ZNF438: variants seen among roughly 807,000 people sequenced by gnomAD.
ZNF438 encodes zinc finger protein 438.
Under a neutral mutation model 38.0 loss-of-function variants are expected in ZNF438, and 25 were observed. The ratio of observed to expected loss-of-function variants is 0.66; its 90% CI spans 0.48 to 0.92. ZNF438 has a LOEUF of 0.92. Among genes scored for constraint, ZNF438 ranks in the 40% least tolerant of loss-of-function variants. The pLI is 0.00. For missense variants in ZNF438, 1,007 were observed against 999.6 expected, an observed-to-expected ratio of 1.01 and a Z score of -0.10; for synonymous variants, 372 against 364.1, an observed-to-expected ratio of 1.02 and a Z score of -0.25.
intron 4 of ZNF438, among the ~76,000 whole-genome samples, chr10:30,863,364 G>A (rs1365056230): frequency 6.6e-6 from 1 of 152,208 alleles, no homozygotes; most frequent in East Asian, 1.9e-4. Context: ...CCTTTGAGGA[G>A]CTGACCAGGT....
At chr10:30,984,030 TC>T (rs763739448) in intron 1 of ZNF438, among the ~76,000 whole-genome samples, 25 of 152,216 alleles carry the variant, frequency 1.6e-4, no homozygotes, top group Non-Finnish European at 2.9e-4. Context: ...TTTCTTTAGT[TC>T]CTAGGTATAA....
intron 2 of ZNF438, among the ~76,000 whole-genome samples, chr10:30,940,065 G>A (rs2046656671): frequency 6.6e-6 from 1 of 152,178 alleles, no homozygotes; most frequent in Non-Finnish European, 1.5e-5. Flanking sequence ...GGAGAAGATG[G>A]CAACCAGGAG....
At chr10:30,902,043 A>T (rs2042060868) in intron 3 of ZNF438, among the ~76,000 whole-genome samples, 1 of 152,184 alleles carries the variant, frequency 6.6e-6, no homozygotes, top group Admixed American at 6.5e-5. Context: ...CAGCTCATAA[A>T]GGCAGTGTGG....
chr10:30,984,845 CAT>C (rs768584254), intron 1 of ZNF438, among the ~76,000 whole-genome samples: 3 of 152,154 alleles, frequency 2.0e-5, no homozygotes, highest in Admixed American at 6.5e-5. Context: ...TAAAAGGACA[CAT>C]GTCTAGTAAA....
intron 3 of ZNF438, among the ~76,000 whole-genome samples, chr10:30,896,158 T>C (rs2134132277): frequency 6.6e-6 from 1 of 152,062 alleles, no homozygotes; most frequent in African/African-American, 2.4e-5. Context: ...TAGCTGGGCA[T>C]AGTGACGGGC....
chr10:30,975,615 A>C (rs1589521943), intron 1 of ZNF438, among the ~76,000 whole-genome samples: 1 of 152,358 alleles, frequency 6.6e-6, no homozygotes, highest in East Asian at 1.9e-4. Context: ...TGGTATCTTA[A>C]TTTCACATCT....
intron 3 of ZNF438, among the ~76,000 whole-genome samples, chr10:30,902,560 T>C (rs2042138116): frequency 6.6e-6 from 1 of 151,862 alleles, no homozygotes; most frequent in Non-Finnish European, 1.5e-5. Flanking sequence ...GATTGGTGCA[T>C]TCACAATCCC....
intron 1 of ZNF438, among the ~76,000 whole-genome samples, chr10:31,013,092 G>A (rs1463577865): frequency 6.6e-6 from 1 of 152,176 alleles, no homozygotes; most frequent in African/African-American, 2.4e-5. Flanking sequence ...GGCCGAGGCG[G>A]GCGGATCACG....
At position 30,849,444 on chromosome 10, in the gene ZNF438, C is replaced by G. The variant is rs745573255; in HGVS notation, c.961G>C (p.Gly321Arg). 6.2e-6 allele frequency: 10 copies of G among 1,614,018 alleles called. No homozygotes were observed. Among genetic ancestry groups the G allele is most frequent in the Non-Finnish European group, 8.5e-6 (10 of 1,180,024 alleles). The change falls in exon 5 of 6, where the codon GGA (glycine) becomes CGA (arginine). Residue 321 changes from glycine to arginine, a missense_variant. Transcript: ENST00000413025. ...ATCTTATCACAGTCGGCCTTAGGTC[C>G]TGGTAAAGAAAAACCTGCAATGTTA...
chr10:30,976,853 T>C (rs1396607491), intron 1 of ZNF438, among the ~76,000 whole-genome samples: 2 of 152,062 alleles, frequency 1.3e-5, no homozygotes, highest in East Asian at 3.8e-4. Context: ...TAAAAACTTA[T>C]AGAACTACAA....
intron 1 of ZNF438, among the ~76,000 whole-genome samples, chr10:30,942,969 C>T (rs2046977479): frequency 2.0e-5 from 3 of 152,098 alleles, no homozygotes; most frequent in South Asian, 4.1e-4. Context: ...CTTTGGAATA[C>T]GTTTCAGAAA....
intron 3 of ZNF438, among the ~76,000 whole-genome samples, chr10:30,882,493 C>T (rs1037881813): frequency 1.3e-5 from 2 of 152,148 alleles, no homozygotes; most frequent in Admixed American, 6.5e-5. Context: ...TATAAACATA[C>T]AATGGAACAT....
intron 2 of ZNF438, chr10:30,919,125 T>C (rs1184039857): frequency 6.6e-6 from 1 of 152,254 alleles, no homozygotes; most frequent in Non-Finnish European, 1.5e-5. Flanking sequence ...TTTCACATTG[T>C]CCACTTTACT....
At chr10:31,023,419 C>T (rs1009178651) in intron 1 of ZNF438, among the ~76,000 whole-genome samples, 10 of 152,114 alleles carry the variant, frequency 6.6e-5, no homozygotes, top group Non-Finnish European at 1.0e-4. Context: ...TAATATATTA[C>T]CTCTTGAACT....
intron 1 of ZNF438, among the ~76,000 whole-genome samples, chr10:31,020,290 G>C (rs2056495467): frequency 6.6e-6 from 1 of 152,154 alleles, no homozygotes. Context: ...ACTGCAGCCA[G>C]GGACACACTT....
At chr10:31,018,514 A>G (rs1453413558) in intron 1 of ZNF438, among the ~76,000 whole-genome samples, 1 of 152,190 alleles carries the variant, frequency 6.6e-6, no homozygotes, top group Non-Finnish European at 1.5e-5. Context: ...AAGGGTCACC[A>G]GTTTTCCAGC....
At chr10:30,970,131 CACACACACACACATAT>C (rs1256548148) in intron 1 of ZNF438, among the ~76,000 whole-genome samples, 2 of 151,000 alleles carry the variant, frequency 1.3e-5, no homozygotes, top group Non-Finnish European at 3.0e-5. Flanking sequence ...CACACACACA[CACACACACACACATAT>C]ACACACACAC....
intron 1 of ZNF438, among the ~76,000 whole-genome samples, chr10:30,991,262 C>T (rs58578974): frequency 1.3e-5 from 2 of 152,188 alleles, no homozygotes; most frequent in Non-Finnish European, 2.9e-5. Flanking sequence ...GCCACTGGCA[C>T]TGTTCATTTT....
chr10:30,967,488 G>A (rs2050249353), intron 1 of ZNF438, among the ~76,000 whole-genome samples: 1 of 152,146 alleles, frequency 6.6e-6, no homozygotes, highest in Non-Finnish European at 1.5e-5. Context: ...TTTAAAGTGT[G>A]TTTTAAGAAG....
Sources: gnomAD v4.1 joint callset for allele counts (sites outside exome capture counted in the v4.1 genomes callset) on GRCh38, gnomAD v4.1.1 for gene constraint, MANE v1.5 for transcripts, NCBI Gene and HGNC (gene_info 2026-07-23, HGNC 2026-07-21) for gene names.